The following ZNF385D variants were observed in gnomAD, a reference collection of about 807,000 sequenced individuals.
The protein encoded by ZNF385D is zinc finger protein 385D.
ZNF385D carries 15 observed loss-of-function variants against 35.8 expected under a neutral mutation model. That is an observed-to-expected ratio of 0.42 (90% confidence interval 0.28 to 0.64). ZNF385D has a LOEUF of 0.64. Ranked by LOEUF, ZNF385D falls within the 30% of genes least tolerant of loss-of-function variation. ZNF385D has a pLI of 0.23. For synonymous variants in ZNF385D, 212 were observed against 186.8 expected (o/e 1.13, Z -1.10); for missense variants, 474 against 494.6 (o/e 0.96, Z 0.39).
intron 3 of ZNF385D, among the ~76,000 whole-genome samples, chr3:21,548,276 T>G (rs1226116205): frequency 6.6e-6 from 1 of 152,206 alleles, no homozygotes; most frequent in Non-Finnish European, 1.5e-5. Flanking sequence ...TGTTTCTACC[T>G]TCATTTCCTT....
chr3:21,792,194 G>C (rs1357283826), intron 3 of ZNF385D, among the ~76,000 whole-genome samples: 1 of 152,042 alleles, frequency 6.6e-6, no homozygotes, highest in East Asian at 1.9e-4. Flanking sequence ...TGAAGTGATG[G>C]GGCAGATACA....
chr3:22,278,613 C>A (rs554734615), intron 2 of ZNF385D, among the ~76,000 whole-genome samples: 2 of 152,202 alleles, frequency 1.3e-5, no homozygotes, highest in African/African-American at 4.8e-5. Context: ...CTGCATCAGC[C>A]AACTCCTTGC....
At chr3:21,900,822 G>A (rs1325339624) in intron 3 of ZNF385D, among the ~76,000 whole-genome samples, 3 of 152,144 alleles carry the variant, frequency 2.0e-5, no homozygotes, top group Admixed American at 2.0e-4. Flanking sequence ...GACTGACTTT[G>A]GCCTTGCACT....
chr3:22,163,929 CTAT>C (rs1175708365), intron 3 of ZNF385D, among the ~76,000 whole-genome samples: 26 of 152,242 alleles, frequency 1.7e-4, no homozygotes, highest in African/African-American at 5.3e-4. Context: ...TTTACAGGAT[CTAT>C]TATTTGTACA....
intron 2 of ZNF385D, among the ~76,000 whole-genome samples, chr3:21,651,181 G>A (rs556277522): frequency 2.0e-5 from 3 of 150,420 alleles, no homozygotes; most frequent in East Asian, 2.0e-4. Flanking sequence ...CCAGCTACTC[G>A]GGAGGCTGAA....
intron 3 of ZNF385D, among the ~76,000 whole-genome samples, chr3:21,756,905 G>C (rs779342512): frequency 5.6e-4 from 85 of 152,198 alleles, no homozygotes; most frequent in South Asian, 2.5e-3. Flanking sequence ...AATTTTTTAA[G>C]TTGTGTAGAC....
chr3:22,033,880 G>T lies in ZNF385D; in HGVS notation c.325+134937C>A, dbSNP rs191182198. Among the ~76,000 whole-genome samples the T allele has an allele frequency of 3.2e-4, 49 of 152,190 alleles. 2 individuals are homozygous for T. The East Asian group carries it at 8.3e-3, about 26-fold the overall frequency. ...TTAAAATCTATAATCAGGATGTAAG[G>T]TTACCAATTCATCCTACTTCACCCA... is the stretch of plus-strand genomic sequence containing the variant. On this transcript the variant is annotated intron_variant, in intron 3 of 5. Transcript: ENST00000494108.
intron 2 of ZNF385D, among the ~76,000 whole-genome samples, chr3:22,336,248 A>G (rs996701658): frequency 1.3e-5 from 2 of 152,158 alleles, no homozygotes; most frequent in African/African-American, 4.8e-5. Flanking sequence ...TTATGATATA[A>G]TGTTAAGCTC....
intron 2 of ZNF385D, among the ~76,000 whole-genome samples, chr3:22,298,036 G>T (rs1320381354): frequency 6.6e-6 from 1 of 151,964 alleles, no homozygotes. Context: ...ATGATGAAGG[G>T]TAGAGGGAAG....
At chr3:22,214,827 C>A (rs1177816527) in intron 2 of ZNF385D, among the ~76,000 whole-genome samples, 3 of 151,942 alleles carry the variant, frequency 2.0e-5, no homozygotes, top group South Asian at 2.1e-4. Context: ...TTGCCCTGGT[C>A]CTGTGGTCCT....
At chr3:22,156,701 T>C (rs1488104918) in intron 3 of ZNF385D, among the ~76,000 whole-genome samples, 1 of 152,096 alleles carries the variant, frequency 6.6e-6, no homozygotes. Context: ...ATCTCTTTCC[T>C]CTTCCTCACC....
At chr3:22,317,203 G>A (rs891189388) in intron 2 of ZNF385D, among the ~76,000 whole-genome samples, 30 of 143,748 alleles carry the variant, frequency 2.1e-4, no homozygotes, top group Non-Finnish European at 1.5e-5. Flanking sequence ...CTTGAACCTG[G>A]GAGGCAGAGG....
chr3:22,258,688 A>T (rs186438499), intron 2 of ZNF385D, among the ~76,000 whole-genome samples: 1 of 151,796 alleles, frequency 6.6e-6, no homozygotes, highest in African/African-American at 2.4e-5. Flanking sequence ...TATGTGGGTT[A>T]TATCTATTGC....
intron 2 of ZNF385D, among the ~76,000 whole-genome samples, chr3:22,318,052 G>A (rs137916097): frequency 1.6e-3 from 235 of 150,846 alleles, no homozygotes; most frequent in African/African-American, 5.7e-3. Context: ...AGTGAGACTC[G>A]GTTTCAAAAA....
chr3:22,201,256 C>T (rs138512760), intron 2 of ZNF385D, among the ~76,000 whole-genome samples: 294 of 152,200 alleles, frequency 1.9e-3, no homozygotes, highest in African/African-American at 6.2e-3. Flanking sequence ...TGGCTTCAGC[C>T]GGTCCCTTCA....
chr3:21,852,666 A>G (rs2125813040), intron 3 of ZNF385D, among the ~76,000 whole-genome samples: 1 of 152,078 alleles, frequency 6.6e-6, no homozygotes, highest in African/African-American at 2.4e-5. Flanking sequence ...ACTTAGGACA[A>G]GATGATTATG....
At chr3:22,252,499 A>C (rs755199511) in intron 2 of ZNF385D, among the ~76,000 whole-genome samples, 3 of 152,082 alleles carry the variant, frequency 2.0e-5, no homozygotes, top group Non-Finnish European at 4.4e-5. Context: ...AGATATGAGC[A>C]GAGTTCATGG....
chr3:22,332,796 C>T (rs1015129244), intron 2 of ZNF385D, among the ~76,000 whole-genome samples: 1 of 151,940 alleles, frequency 6.6e-6, no homozygotes, highest in African/African-American at 2.4e-5. Flanking sequence ...CTAATAATTG[C>T]TATGTTTCTG....
At chr3:21,843,727 G>T (rs1695822848) in intron 3 of ZNF385D, among the ~76,000 whole-genome samples, 1 of 151,890 alleles carries the variant, frequency 6.6e-6, no homozygotes, top group Admixed American at 6.6e-5. Context: ...ATTTTGAAAA[G>T]AAATGAAACC....
Sources: allele counts gnomAD v4.1 joint callset (sites outside exome capture counted in the v4.1 genomes callset), GRCh38; gene constraint gnomAD v4.1.1; transcripts MANE v1.5; gene names NCBI Gene and HGNC (gene_info 2026-07-23, HGNC 2026-07-21).